The following RC3H1 variants were observed in gnomAD, a reference collection of about 807,000 sequenced individuals.
RC3H1 encodes the protein roquin-1.
RC3H1 carries 50 observed loss-of-function variants against 138.2 expected under a neutral mutation model. That is an observed-to-expected ratio of 0.36 (90% CI 0.29 to 0.46). The LOEUF (loss-of-function observed/expected upper bound fraction) is 0.46. Ranked by LOEUF, RC3H1 falls within the 20% of genes least tolerant of loss-of-function variation. The pLI, the probability that RC3H1 is intolerant of heterozygous loss-of-function variation, is 1.00. For missense variants in RC3H1, 1,031 were observed against 1,388.1 expected, an observed-to-expected ratio of 0.74 and a Z score of 4.09; for synonymous variants, 462 against 489.1, an observed-to-expected ratio of 0.94 and a Z score of 0.73.
intron 9 of RC3H1, among the ~76,000 whole-genome samples, chr1:173,966,130 A>G (rs762195720): frequency 5.3e-5 from 8 of 152,106 alleles, no homozygotes; most frequent in Non-Finnish European, 1.2e-4. Flanking sequence ...ACACAGTGAG[A>G]CCCTGTTTCA....
At chr1:174,018,751 G>A (rs149331283) in intron 1 of RC3H1, among the ~76,000 whole-genome samples, 2,421 of 152,256 alleles carry the variant, frequency 0.016, 34 homozygotes, top group Non-Finnish European at 0.025. Context: ...GAGCACAGAC[G>A]GGGCCAAAGC....
intron 15 of RC3H1, 75 bp downstream of exon 15, chr1:173,947,294 T>G: frequency 1.0e-6 from 1 of 985,080 alleles, no homozygotes; most frequent in Non-Finnish European, 1.6e-6. Flanking sequence ...ACACTGATAG[T>G]AAATGGAGAG....
chr1:173,960,644 G>A (rs1469877437), intron 13 of RC3H1, among the ~76,000 whole-genome samples: 1 of 152,136 alleles, frequency 6.6e-6, no homozygotes, highest in East Asian at 1.9e-4. Flanking sequence ...AAATCAACGT[G>A]CTGATTCTTG....
intron 1 of RC3H1, among the ~76,000 whole-genome samples, chr1:174,006,252 C>T (rs982764538): frequency 6.6e-6 from 1 of 151,964 alleles, no homozygotes; most frequent in African/African-American, 2.4e-5. Flanking sequence ...TGTTCTTTAC[C>T]ATCATTAGCT....
At chr1:173,983,769 G>T in intron 3 of RC3H1, 112 bp from the exon 4 acceptor site, 1 of 1,025,346 alleles carries the variant, frequency 9.8e-7, no homozygotes, top group Non-Finnish European at 1.4e-6. Flanking sequence ...GGGACTACTA[G>T]AGTATTTAAA....
chr1:173,964,824 A>G lies in RC3H1; in HGVS notation c.1616+15T>C. On this transcript the variant is annotated intron_variant, in intron 10 of 19. Coordinates refer to ENST00000367696, the MANE Select transcript of RC3H1 (RefSeq NM_172071.4). ...AAGAAGAAATTTTGAAATAAGAGTT[A>G]GAAAAATGACGTACAGGTCAGGAGG... The G allele has an allele frequency of 6.3e-7, 1 of 1,594,124 alleles. No homozygotes were observed.
chr1:173,966,664 G>A (rs368472729), intron 9 of RC3H1, among the ~76,000 whole-genome samples: 7 of 151,542 alleles, frequency 4.6e-5, no homozygotes, highest in Non-Finnish European at 8.8e-5. Flanking sequence ...GCAGTGAGCC[G>A]AGATTGTGCC....
At chr1:173,944,896 T>C in intron 17 of RC3H1, among the ~76,000 whole-genome samples, 1 of 152,170 alleles carries the variant, frequency 6.6e-6, no homozygotes, top group East Asian at 1.9e-4. Context: ...AAGTCTGTCT[T>C]ATAACTTTTT....
At chr1:174,021,995 G>A in intron 1 of RC3H1, 101 bp downstream of exon 1, 1 of 383,468 alleles carries the variant, frequency 2.6e-6, no homozygotes, top group Non-Finnish European at 4.6e-6. Flanking sequence ...CAGAGGGCGG[G>A]CGAGGACAAA....
intron 1 of RC3H1, among the ~76,000 whole-genome samples, chr1:173,997,164 G>A (rs1232647369): frequency 6.6e-6 from 1 of 152,162 alleles, no homozygotes; most frequent in Non-Finnish European, 1.5e-5. Context: ...GGTCGGAGCT[G>A]TAGTGAGTCA....
chr1:173,980,255 GA>G (rs1209819661), intron 6 of RC3H1, among the ~76,000 whole-genome samples: 264 of 76,122 alleles, frequency 3.5e-3, no homozygotes, highest in South Asian at 8.2e-3. Context: ...TTAGAAATAG[GA>G]AAAAAAAAAA....
chr1:173,984,683 T>A (rs1660953235), intron 2 of RC3H1, 64 bp from the exon 3 acceptor site: 1 of 1,515,018 alleles, frequency 6.6e-7, no homozygotes, highest in African/African-American at 1.4e-5. Context: ...TTTAGTATAG[T>A]TTATGCACTC....
At chr1:173,942,228 C>T (rs554675693) in intron 18 of RC3H1, among the ~76,000 whole-genome samples, 37 of 145,046 alleles carry the variant, frequency 2.6e-4, no homozygotes, top group Admixed American at 1.3e-3. Flanking sequence ...GGCAATAGTG[C>T]GAGACTCCGC....
chr1:173,981,544 T>C (rs1557941457), intron 5 of RC3H1, among the ~76,000 whole-genome samples: 1 of 152,184 alleles, frequency 6.6e-6, no homozygotes, highest in Non-Finnish European at 1.5e-5. Flanking sequence ...AAGAAAAAAA[T>C]ACTAATACAA....
At chr1:173,977,563 G>A (rs1660640420) in intron 7 of RC3H1, among the ~76,000 whole-genome samples, 1 of 152,164 alleles carries the variant, frequency 6.6e-6, no homozygotes, top group African/African-American at 2.4e-5. Context: ...GGACACGATG[G>A]GGAATCTCAG....
intron 1 of RC3H1, among the ~76,000 whole-genome samples, chr1:174,017,810 A>AAAAAAAAAAAAAAAAAAAAAAAAAAAAC: frequency 6.8e-6 from 1 of 146,206 alleles, no homozygotes; most frequent in African/African-American, 2.5e-5. Flanking sequence ...AAAAAAAAAA[A>AAAAAAAAAAAAAAAAAAAAAAAAAAAAC]CTGCTACCAT....
chr1:174,004,916 G>C (rs1571240500), intron 1 of RC3H1, among the ~76,000 whole-genome samples: 2 of 151,922 alleles, frequency 1.3e-5, no homozygotes, highest in African/African-American at 4.8e-5. Context: ...TTTTTTAGAG[G>C]GGGGTGGGCA....
intron 13 of RC3H1, among the ~76,000 whole-genome samples, chr1:173,959,153 A>G (rs1659764004): frequency 7.8e-6 from 1 of 128,318 alleles, no homozygotes. Flanking sequence ...AAAGGATTAA[A>G]AAGGGGAAAA....
chr1:174,014,039 T>TG (rs1461070148), intron 1 of RC3H1, among the ~76,000 whole-genome samples: 5 of 152,146 alleles, frequency 3.3e-5, no homozygotes, highest in African/African-American at 1.2e-4. Flanking sequence ...AAAAGATCAG[T>TG]GGTAGCCAGA....
Sources: allele counts gnomAD v4.1 joint callset (sites outside exome capture counted in the v4.1 genomes callset), GRCh38; gene constraint gnomAD v4.1.1; transcripts MANE v1.5; gene names NCBI Gene and HGNC (gene_info 2026-07-23, HGNC 2026-07-21).